Variants in COG5 observed in about 807,000 individuals in gnomAD.
The protein encoded by COG5 is conserved oligomeric Golgi complex subunit 5.
In COG5, 86 loss-of-function variants were observed where a neutral mutation model predicts 110.4. That is an observed-to-expected ratio of 0.78 (90% CI 0.65 to 0.93). The LOEUF is 0.93. Among genes scored for constraint, COG5 ranks in the 40% least tolerant of loss-of-function variants. The pLI is 0.00. For synonymous variants in COG5, 360 were observed against 334.6 expected (o/e 1.08, Z -0.83); for missense variants, 1,077 against 987.0 (o/e 1.09, Z -1.22).
chr7:107,453,032 C>T (rs369530589), intron 6 of COG5, among the ~76,000 whole-genome samples: 3 of 152,168 alleles, frequency 2.0e-5, no homozygotes, highest in Admixed American at 1.3e-4. Flanking sequence ...ATAGTGTATT[C>T]ATCTGCATCT....
Position 107,295,101 on chromosome 7 carries a change from ATTTTTT to A in COG5, c.1313+3035_1313+3040del, listed in dbSNP as rs1186745330. The stretch of plus-strand genomic sequence containing the variant: ...TATATATATATATATATATATATAT[ATTTTTT>A]TTTTTTTTTTGTAGAGTCAGGATTT... On this transcript the variant is annotated intron_variant, in intron 12 of 21. Coordinates refer to ENST00000297135, the MANE Select transcript of COG5 (RefSeq NM_006348.5). 1.5e-3 allele frequency among the ~76,000 whole-genome samples: 68 copies of A among 45,524 alleles called. 1 individual carries two copies. Among genetic ancestry groups the A allele is most frequent in the South Asian group, 6.2e-3 (6 of 968 alleles). 29.9% of individuals were successfully genotyped at this position (45,524 alleles called of 152,430 possible).
intron 5 of COG5, among the ~76,000 whole-genome samples, chr7:107,533,029 A>T (rs1322690089): frequency 6.6e-6 from 1 of 151,854 alleles, no homozygotes; most frequent in Non-Finnish European, 1.5e-5. Context: ...ATACTCAAGG[A>T]CACAGGGTCT....
At chr7:107,270,064 C>T (rs562470451) in intron 14 of COG5, among the ~76,000 whole-genome samples, 1 of 152,322 alleles carries the variant, frequency 6.6e-6, no homozygotes, top group South Asian at 2.1e-4. Context: ...AATTGCCAGG[C>T]TGCTACTGCC....
intron 16 of COG5, among the ~76,000 whole-genome samples, chr7:107,255,488 A>C (rs998000635): frequency 6.6e-6 from 1 of 151,970 alleles, no homozygotes; most frequent in African/African-American, 2.4e-5. Context: ...TGACTTTAGA[A>C]GCTCCCTTCC....
intron 6 of COG5, among the ~76,000 whole-genome samples, chr7:107,437,917 G>A (rs961559636): frequency 1.1e-4 from 16 of 152,034 alleles, no homozygotes; most frequent in African/African-American, 3.6e-4. Flanking sequence ...AGCAAAATAT[G>A]TCCATGAGAA....
Position 107,558,032 on chromosome 7 carries a change from G to C in COG5, c.178C>G (p.Gln60Glu). ...QSIHQAVIAE[Q>E]LAKLAQGISQ... ...ATTCCTTGGGCAAGTTTTGCTAGTT[G>C]TTCAGCAATTACAGCTTGATGAATA... The change falls in exon 2 of 22, where the codon CAA becomes GAA. Residue 60 changes from glutamine (Q) to glutamate (E), a missense_variant. Coordinates refer to ENST00000297135, the MANE Select transcript of COG5 (RefSeq NM_006348.5). 6.2e-7 allele frequency: 1 copy of C among 1,613,930 alleles called. No individual in the cohort carries two copies. The highest frequency in any genetic ancestry group is 1.1e-5 in the South Asian group (1 of 91,080).
chr7:107,472,593 A>G (rs761988992), intron 6 of COG5: 5 of 151,936 alleles, frequency 3.3e-5, no homozygotes, highest in Non-Finnish European at 7.4e-5. Flanking sequence ...GCACACTTAA[A>G]ATTTTCCATT....
At chr7:107,545,404 G>A (rs958899264) in intron 5 of COG5, among the ~76,000 whole-genome samples, 1 of 152,118 alleles carries the variant, frequency 6.6e-6, no homozygotes, top group Non-Finnish European at 1.5e-5. Flanking sequence ...CACATACAAA[G>A]GAATCCCAAG....
rs748744877 is a variant in COG5, at chr7:107,210,481, T to G, written c.2375+45A>C. ...TCCTCTCTTGCATCCCCACCCTCCT[T>G]GGGCTTCCAGACCAGATGGGTGCCC... On this transcript the variant is annotated intron_variant, in intron 21 of 21. Transcript: ENST00000297135. 3.8e-6 allele frequency: 6 copies of G among 1,563,518 alleles called. No homozygotes were observed. In the South Asian group the frequency reaches 7.1e-5, roughly 18 times the overall value.
intron 5 of COG5, among the ~76,000 whole-genome samples, chr7:107,529,234 T>C (rs1801000868): frequency 6.6e-6 from 1 of 152,158 alleles, no homozygotes; most frequent in Non-Finnish European, 1.5e-5. Context: ...CAATCACTGT[T>C]ATTGTTGCAG....
chr7:107,245,856 A>G (rs1802013735), intron 17 of COG5, among the ~76,000 whole-genome samples: 1 of 152,220 alleles, frequency 6.6e-6, no homozygotes, highest in Non-Finnish European at 1.5e-5. Context: ...AGAACGAAAA[A>G]CAAACTATTT....
At chr7:107,325,183 A>AC (rs144278548) in intron 10 of COG5, among the ~76,000 whole-genome samples, 1,607 of 152,350 alleles carry the variant, frequency 0.011, 15 homozygotes, top group Non-Finnish European at 0.016. Flanking sequence ...AATATTAATT[A>AC]AAGTATCATT....
intron 14 of COG5, among the ~76,000 whole-genome samples, chr7:107,276,655 A>T (rs1804725041): frequency 6.6e-6 from 1 of 152,180 alleles, no homozygotes; most frequent in African/African-American, 2.4e-5. Flanking sequence ...CATCTCAAAA[A>T]CAAACAAAAA....
intron 7 of COG5, among the ~76,000 whole-genome samples, chr7:107,393,490 T>C (rs1374865702): frequency 6.6e-6 from 1 of 152,244 alleles, no homozygotes; most frequent in Admixed American, 6.5e-5. Context: ...TATTTTGTCA[T>C]CACAAGATAG....
chr7:107,233,555 G>A (rs1164663312), intron 18 of COG5, among the ~76,000 whole-genome samples: 3 of 152,120 alleles, frequency 2.0e-5, no homozygotes, highest in Admixed American at 6.5e-5. Context: ...CTTTGCAATT[G>A]GACTTTACGG....
chr7:107,240,980 C>T (rs1281545961), intron 17 of COG5, among the ~76,000 whole-genome samples: 1 of 152,154 alleles, frequency 6.6e-6, no homozygotes, highest in Admixed American at 6.5e-5. Flanking sequence ...AAAAAAAATA[C>T]GGACAATGTT....
intron 6 of COG5, among the ~76,000 whole-genome samples, chr7:107,464,198 CA>C (rs1264526548): frequency 6.6e-6 from 1 of 152,152 alleles, no homozygotes; most frequent in Non-Finnish European, 1.5e-5. Context: ...TCAGACTCCA[CA>C]AATGAACTTA....
At chr7:107,460,283 G>C (rs1410683805) in intron 6 of COG5, among the ~76,000 whole-genome samples, 1 of 151,946 alleles carries the variant, frequency 6.6e-6, no homozygotes, top group Non-Finnish European at 1.5e-5. Context: ...CATGTCTGTA[G>C]TGCCACCTAC....
At chr7:107,229,858 G>GTTTTTTT (rs1294339626) in intron 19 of COG5, among the ~76,000 whole-genome samples, 2 of 86,190 alleles carry the variant, frequency 2.3e-5, no homozygotes, top group Non-Finnish European at 5.2e-5. Context: ...TTTTTTTTTT[G>GTTTTTTT]TTTTTTTTTT....
Sources: allele counts gnomAD v4.1 joint callset (sites outside exome capture counted in the v4.1 genomes callset), GRCh38; gene constraint gnomAD v4.1.1; transcripts MANE v1.5; gene names NCBI Gene and HGNC (gene_info 2026-07-23, HGNC 2026-07-21).